The following RAPGEF5 variants were observed in gnomAD, a reference collection of about 807,000 sequenced individuals.
RAPGEF5 encodes the protein M-Ras-regulated GEF.
A neutral mutation model predicts 125.2 loss-of-function variants in RAPGEF5; 65 were observed. The observed-to-expected ratio is 0.52, with a 90% confidence interval of 0.43 to 0.64. The LOEUF (loss-of-function observed/expected upper bound fraction) is 0.64, where lower values mean the gene tolerates loss of function less well. Ranked by LOEUF, RAPGEF5 falls within the 30% of genes least tolerant of loss-of-function variation. RAPGEF5 has a pLI of 0.00. For synonymous variants in RAPGEF5, 391 were observed against 385.9 expected (o/e 1.01, Z -0.16); for missense variants, 958 against 1,048.1 (o/e 0.91, Z 1.19).
At chr7:22,276,142 TTG>T (rs1486163998) in intron 6 of RAPGEF5, among the ~76,000 whole-genome samples, 1 of 152,232 alleles carries the variant, frequency 6.6e-6, no homozygotes, top group Non-Finnish European at 1.5e-5. Context: ...TTAATTTTTG[TTG>T]TAATAATAAA....
chr7:22,156,677 G>C, intron 16 of RAPGEF5, 133 bp downstream of exon 16: 3 of 1,405,912 alleles, frequency 2.1e-6, no homozygotes, highest in Non-Finnish European at 2.9e-6. Flanking sequence ...AAACCATGCT[G>C]TTTGAGGCTA....
chr7:22,356,349 TC>T (rs1366646538), intron 1 of RAPGEF5: 13 of 769,852 alleles, frequency 1.7e-5, no homozygotes, highest in Non-Finnish European at 2.1e-5. Flanking sequence ...GGTCTGCCCC[TC>T]GGCGGTGGAG....
intron 6 of RAPGEF5, among the ~76,000 whole-genome samples, chr7:22,282,276 T>TTCAC (rs1260244210): frequency 1.3e-5 from 2 of 152,220 alleles, no homozygotes; most frequent in African/African-American, 4.8e-5. Context: ...TTCCTCTGAA[T>TTCAC]TCACACAATG....
intron 21 of RAPGEF5, among the ~76,000 whole-genome samples, chr7:22,138,558 A>T (rs1005716791): frequency 5.3e-5 from 8 of 152,152 alleles, no homozygotes; most frequent in Admixed American, 3.3e-4. Context: ...ACACTCCAGT[A>T]ACTCTCAGCT....
chr7:22,242,962 AAAAG>A (rs1554334069), intron 7 of RAPGEF5, among the ~76,000 whole-genome samples: 242 of 149,530 alleles, frequency 1.6e-3, no homozygotes, highest in Non-Finnish European at 2.3e-3. Flanking sequence ...AAAAAAAAAA[AAAAG>A]AAAGAAAGAA....
intron 18 of RAPGEF5, among the ~76,000 whole-genome samples, chr7:22,149,738 G>A (rs1384699413): frequency 1.3e-5 from 2 of 152,134 alleles, no homozygotes; most frequent in African/African-American, 4.8e-5. Flanking sequence ...ACTGAAACAA[G>A]GGACTCTTTC....
At chr7:22,268,183 G>A (rs1304908410) in intron 6 of RAPGEF5, among the ~76,000 whole-genome samples, 1 of 152,134 alleles carries the variant, frequency 6.6e-6, no homozygotes, top group Non-Finnish European at 1.5e-5. Context: ...CTTTGACACT[G>A]TAAGATTCTC....
chr7:22,243,206 C>T (rs960324965), intron 7 of RAPGEF5, among the ~76,000 whole-genome samples: 5 of 152,166 alleles, frequency 3.3e-5, no homozygotes, highest in South Asian at 4.1e-4. Flanking sequence ...TGTCAAATAA[C>T]GAAACTAAGC....
At chr7:22,190,167 C>A (rs568205754) in intron 11 of RAPGEF5, among the ~76,000 whole-genome samples, 1 of 152,258 alleles carries the variant, frequency 6.6e-6, no homozygotes, top group South Asian at 2.1e-4. Flanking sequence ...GTAATCCCAG[C>A]TACTCTGGAG....
intron 6 of RAPGEF5, among the ~76,000 whole-genome samples, chr7:22,274,650 T>C (rs1246593877): frequency 3.3e-5 from 5 of 152,030 alleles, no homozygotes; most frequent in African/African-American, 9.7e-5. Context: ...TTTTTACCAA[T>C]TCCGCTGCAC....
chr7:22,168,144 C>A (rs558599418), intron 11 of RAPGEF5, among the ~76,000 whole-genome samples: 2 of 152,196 alleles, frequency 1.3e-5, no homozygotes, highest in Non-Finnish European at 2.9e-5. Flanking sequence ...AACACCCCCA[C>A]CCCTGCCACT....
intron 7 of RAPGEF5, among the ~76,000 whole-genome samples, chr7:22,250,533 T>G (rs922379229): frequency 6.6e-6 from 1 of 152,240 alleles, no homozygotes; most frequent in Non-Finnish European, 1.5e-5. Context: ...TCCATTTGCA[T>G]GTCTGTTTAT....
intron 9 of RAPGEF5, 53 bp downstream of exon 9, chr7:22,219,813 A>G: frequency 1.3e-6 from 2 of 1,525,104 alleles, no homozygotes; most frequent in Non-Finnish European, 8.8e-7. Context: ...GCAATCAGGC[A>G]AAAACATTTT....
chr7:22,162,328 T>G, intron 13 of RAPGEF5, 69 bp downstream of exon 13: 2 of 1,461,314 alleles, frequency 1.4e-6, no homozygotes, highest in East Asian at 2.3e-5. Flanking sequence ...AAATGAGATT[T>G]TTAAAATGCA....
intron 5 of RAPGEF5, among the ~76,000 whole-genome samples, chr7:22,299,754 G>A (rs1490998043): frequency 2.0e-5 from 3 of 152,052 alleles, no homozygotes; most frequent in African/African-American, 4.8e-5. Flanking sequence ...TCATTGTAGA[G>A]GATTGACAGT....
chr7:22,344,758 T>G (rs1423090959), intron 1 of RAPGEF5, among the ~76,000 whole-genome samples: 1 of 152,190 alleles, frequency 6.6e-6, no homozygotes, highest in Non-Finnish European at 1.5e-5. Flanking sequence ...TCCTCCCCAC[T>G]TTTTTCTTTT....
intron 11 of RAPGEF5, among the ~76,000 whole-genome samples, chr7:22,174,358 C>A (rs1043069794): frequency 6.6e-6 from 1 of 152,104 alleles, no homozygotes; most frequent in African/African-American, 2.4e-5. Context: ...ACTTGCAGGT[C>A]TTGTTTAGTC....
At chr7:22,352,978 C>T (rs946761327) in intron 1 of RAPGEF5, among the ~76,000 whole-genome samples, 8 of 152,220 alleles carry the variant, frequency 5.3e-5, no homozygotes, top group African/African-American at 1.7e-4. Flanking sequence ...ACGAATCAAT[C>T]TTTCCATCTC....
intron 16 of RAPGEF5, 84 bp from the exon 17 acceptor site, chr7:22,154,688 A>G (rs1372943144): frequency 1.0e-5 from 15 of 1,475,854 alleles, no homozygotes; most frequent in Non-Finnish European, 1.3e-5. Context: ...ACCTTGATCA[A>G]CTTTTCTAAA....
Sources: gnomAD v4.1 joint callset for allele counts (sites outside exome capture counted in the v4.1 genomes callset) on GRCh38, gnomAD v4.1.1 for gene constraint, MANE v1.5 for transcripts, NCBI Gene and HGNC (gene_info 2026-07-23, HGNC 2026-07-21) for gene names.